The following SPATS2L variants were observed in gnomAD, a reference collection of about 807,000 sequenced individuals.
SPATS2L encodes the protein SPATS2-like protein.
SPATS2L carries 30 observed loss-of-function variants against 59.6 expected under a neutral mutation model. The ratio of observed to expected loss-of-function variants is 0.50; its 90% CI spans 0.38 to 0.68. The LOEUF is 0.68. Ranked by LOEUF, SPATS2L falls within the 30% of genes least tolerant of loss-of-function variation. The probability of loss-of-function intolerance (pLI) is 0.00; values close to 1 mark genes in which losing one functional copy is unlikely to be tolerated. For missense variants in SPATS2L, 615 were observed against 700.0 expected, an observed-to-expected ratio of 0.88 and a Z score of 1.37; for synonymous variants, 252 against 263.5, an observed-to-expected ratio of 0.96 and a Z score of 0.42.
At chr2:200,379,601 G>A (rs1339336440) in intron 2 of SPATS2L, among the ~76,000 whole-genome samples, 1 of 152,006 alleles carries the variant, frequency 6.6e-6, no homozygotes. Context: ...GGAGTTTGTG[G>A]TAAAGTACTT....
chr2:200,325,604 C>T (rs535799964), intron 1 of SPATS2L, among the ~76,000 whole-genome samples: 1 of 152,216 alleles, frequency 6.6e-6, no homozygotes, highest in African/African-American at 2.4e-5. Flanking sequence ...GTCTTGAATT[C>T]CTGGCCCCAA....
At chr2:200,474,849 C>G (rs1045642649) in intron 12 of SPATS2L, among the ~76,000 whole-genome samples, 2 of 152,148 alleles carry the variant, frequency 1.3e-5, no homozygotes, top group Non-Finnish European at 2.9e-5. Context: ...CCTGTGTTTT[C>G]AAGTAACTTC....
rs1176986620 is a variant in SPATS2L at position 200,478,510 on chromosome 2, A to G, written c.*479A>G. On this transcript the variant is annotated 3_prime_UTR_variant, in exon 13 of 13. Coordinates refer to ENST00000409140, the MANE Select transcript of SPATS2L (RefSeq NM_001100423.2). ...ACATATATTGCTTTATTTGAAACAA[A>G]TTAAAATATGCTGCATTTGACACCT... The G allele has an allele frequency of 6.5e-6, 1 of 152,786 alleles. No homozygotes were observed. The highest frequency in any genetic ancestry group is 1.5e-5 in the Non-Finnish European group (1 of 68,166). 9.5% of individuals were successfully genotyped at this position (152,786 alleles called of 1,614,324 possible).
At position 200,440,683 on chromosome 2, in the gene SPATS2L, A is replaced by G. The variant is rs747774985; in HGVS notation, c.687A>G (p.Gln229=). The G allele has an allele frequency of 3.1e-6, 5 of 1,613,532 alleles. No homozygotes were observed. In the Admixed American group the frequency reaches 8.3e-5, roughly 27 times the overall value. Residue 229 remains glutamine, a synonymous_variant, in exon 8 of 13, where the codon CAA becomes CAG. Transcript: ENST00000409140. The stretch of plus-strand genomic sequence containing the variant: ...TTGAGAAATCAGTGAAGGATTTGCA[A>G]CGCTGCACCGTTTCTCTAACTAGAT... ...PNIEKSVKDL[Q]RCTVSLTRYR...
intron 11 of SPATS2L, among the ~76,000 whole-genome samples, chr2:200,472,020 C>A (rs900572354): frequency 1.3e-5 from 2 of 152,112 alleles, no homozygotes; most frequent in Non-Finnish European, 2.9e-5. Flanking sequence ...AGAAATCATC[C>A]CAGCAGAAAC....
intron 2 of SPATS2L, among the ~76,000 whole-genome samples, chr2:200,374,621 G>C (rs542068991): frequency 6.6e-6 from 1 of 151,994 alleles, no homozygotes; most frequent in Non-Finnish European, 1.5e-5. Context: ...CCCAGGAGGA[G>C]CACACTCAAA....
At chr2:200,373,274 A>C (rs2081491351) in intron 2 of SPATS2L, 1 of 61,956 alleles carries the variant, frequency 1.6e-5, no homozygotes. Flanking sequence ...CCTTAACAAA[A>C]AAAAAAAAAA....
At chr2:200,337,349 G>A (rs1308483381) in intron 2 of SPATS2L, among the ~76,000 whole-genome samples, 11 of 152,106 alleles carry the variant, frequency 7.2e-5, no homozygotes, top group Admixed American at 7.2e-4. Context: ...GAAATTAAAG[G>A]GGTAAAACAT....
intron 2 of SPATS2L, among the ~76,000 whole-genome samples, chr2:200,367,265 C>T (rs1411127422): frequency 6.6e-6 from 1 of 152,148 alleles, no homozygotes; most frequent in African/African-American, 2.4e-5. Context: ...CCCACTCTCT[C>T]TTTCTTCATT....
At position 200,396,563 on chromosome 2, in the gene SPATS2L, A is replaced by G. The variant is rs558601757; in HGVS notation, c.39+7280A>G. ...TCTGCATTTTACAGAGTAGTGACAT[A>G]TAGTTCAAATCTTTATGTGGGGTGG... On this transcript the variant is annotated intron_variant, in intron 3 of 12. Coordinates refer to ENST00000409140, the MANE Select transcript of SPATS2L (RefSeq NM_001100423.2). Among the ~76,000 whole-genome samples, 5 of 152,252 alleles carry G rather than the reference A, an allele frequency of 3.3e-5. No homozygotes were observed. In the East Asian group the frequency reaches 7.7e-4, roughly 23 times the overall value.
chr2:200,432,319 A>G (rs1415082605), intron 6 of SPATS2L, among the ~76,000 whole-genome samples: 1 of 152,228 alleles, frequency 6.6e-6, no homozygotes, highest in East Asian at 1.9e-4. Flanking sequence ...GAGTCAGCAC[A>G]TGGGATGGAA....
At chr2:200,409,198 G>A (rs910406220) in intron 3 of SPATS2L, among the ~76,000 whole-genome samples, 50 of 152,224 alleles carry the variant, frequency 3.3e-4, no homozygotes, top group African/African-American at 8.9e-4. Context: ...TGAGTTCTCC[G>A]TATGCAAACT....
intron 3 of SPATS2L, among the ~76,000 whole-genome samples, chr2:200,396,044 ATATATATATATATATATATATATT>A (rs1169740534): frequency 4.1e-5 from 3 of 72,550 alleles, no homozygotes; most frequent in Non-Finnish European, 6.1e-5. Flanking sequence ...ATATATATAT[ATATATATATATATATATATATATT>A]TTCCCATAGA....
chr2:200,372,250 C>T (rs1020496308), intron 2 of SPATS2L: 8 of 947,118 alleles, frequency 8.4e-6, no homozygotes, highest in Non-Finnish European at 1.0e-5. Context: ...TCTTCCCGAA[C>T]TGTAAGTGAA....
intron 6 of SPATS2L, among the ~76,000 whole-genome samples, chr2:200,438,769 C>T (rs2084479134): frequency 6.6e-6 from 1 of 152,074 alleles, no homozygotes; most frequent in African/African-American, 2.4e-5. Context: ...ACTCATAAGC[C>T]TTTACTGGAA....
chr2:200,453,170 T>C (rs1186936610), intron 8 of SPATS2L, among the ~76,000 whole-genome samples: 2 of 152,132 alleles, frequency 1.3e-5, no homozygotes, highest in African/African-American at 4.8e-5. Flanking sequence ...CCATGGACAC[T>C]GGGTGAGAGA....
chr2:200,439,069 G>T (rs149929589), intron 6 of SPATS2L, 53 bp from the exon 7 acceptor site: 9 of 1,491,376 alleles, frequency 6.0e-6, no homozygotes, highest in African/African-American at 1.4e-5. Context: ...TCACTTTATC[G>T]TCAGTGTTTT....
intron 10 of SPATS2L, among the ~76,000 whole-genome samples, chr2:200,468,169 C>A (rs191730195): frequency 6.6e-6 from 1 of 151,982 alleles, no homozygotes; most frequent in Admixed American, 6.5e-5. Context: ...CATCATTTGG[C>A]CCAGAGAGGG....
intron 6 of SPATS2L, among the ~76,000 whole-genome samples, chr2:200,426,782 CTTTAA>C (rs1005358775): frequency 6.6e-6 from 1 of 152,170 alleles, no homozygotes; most frequent in African/African-American, 2.4e-5. Context: ...TCTCATTCAT[CTTTAA>C]TTTAAATACT....
Sources: allele counts gnomAD v4.1 joint callset (sites outside exome capture counted in the v4.1 genomes callset), GRCh38; gene constraint gnomAD v4.1.1; transcripts MANE v1.5; gene names NCBI Gene and HGNC (gene_info 2026-07-23, HGNC 2026-07-21).